The following NFKB1 variants were observed in gnomAD, a reference collection of about 807,000 sequenced individuals.
The protein encoded by NFKB1 is nuclear factor NF-kappa-B p105 subunit.
Under a neutral mutation model 105.1 loss-of-function variants are expected in NFKB1, and 9 were observed. That is an observed-to-expected ratio of 0.09 (90% CI 0.05 to 0.15). NFKB1 has a LOEUF of 0.15. Among genes scored for constraint, NFKB1 ranks in the 10% least tolerant of loss-of-function variants. The probability of loss-of-function intolerance (pLI) is 1.00; values close to 1 mark genes in which losing one functional copy is unlikely to be tolerated. For synonymous variants in NFKB1, 440 were observed against 442.2 expected (o/e 1.00, Z 0.06); for missense variants, 830 against 1,203.7 (o/e 0.69, Z 4.59).
chr4:102,595,582 G>A (rs1726543873), intron 13 of NFKB1, among the ~76,000 whole-genome samples: 1 of 152,202 alleles, frequency 6.6e-6, no homozygotes, highest in Admixed American at 6.5e-5. Flanking sequence ...AGGCATCAAA[G>A]TTCAGAAATG....
chr4:102,526,917 C>G (rs1740951893), intron 2 of NFKB1, among the ~76,000 whole-genome samples: 1 of 142,734 alleles, frequency 7.0e-6, no homozygotes, highest in Non-Finnish European at 1.6e-5. Context: ...TCTTTGCTCT[C>G]TTTTTCGTGT....
chr4:102,550,138 TA>T (rs1477303732), intron 5 of NFKB1, among the ~76,000 whole-genome samples: 11 of 152,168 alleles, frequency 7.2e-5, no homozygotes, highest in Admixed American at 2.6e-4. Context: ...CATTGTACTA[TA>T]AGCCATTCCT....
intron 5 of NFKB1, among the ~76,000 whole-genome samples, chr4:102,566,633 G>T (rs1723896040): frequency 1.3e-5 from 2 of 152,168 alleles, no homozygotes; most frequent in Non-Finnish European, 2.9e-5. Flanking sequence ...CAAGAATTTT[G>T]ATGAGGATGC....
chr4:102,528,049 C>T (rs1741039545), intron 2 of NFKB1, among the ~76,000 whole-genome samples: 2 of 152,036 alleles, frequency 1.3e-5, no homozygotes, highest in South Asian at 4.1e-4. Context: ...CTAAAGTTTG[C>T]ATGTCCTCAG....
chr4:102,565,136 C>T (rs1723751203), intron 5 of NFKB1, among the ~76,000 whole-genome samples: 1 of 91,380 alleles, frequency 1.1e-5, no homozygotes, highest in Non-Finnish European at 2.2e-5. Flanking sequence ...GCTTTATACC[C>T]AGAGTTTTTT....
chr4:102,549,900 G>A (rs1464360204), intron 5 of NFKB1, among the ~76,000 whole-genome samples: 1 of 152,040 alleles, frequency 6.6e-6, no homozygotes, highest in East Asian at 1.9e-4. Flanking sequence ...CTCCAATGCT[G>A]CCACCCTGGT....
intron 5 of NFKB1, among the ~76,000 whole-genome samples, chr4:102,565,124 TAGCTTTATACCC>T (rs1723750349): frequency 7.1e-6 from 1 of 141,334 alleles, no homozygotes; most frequent in Admixed American, 7.1e-5. Flanking sequence ...AGTTCATAAT[TAGCTTTATACCC>T]AGAGTTTTTT....
intron 11 of NFKB1, among the ~76,000 whole-genome samples, chr4:102,590,433 C>T (rs1726074934): frequency 6.6e-6 from 1 of 152,124 alleles, no homozygotes; most frequent in Non-Finnish European, 1.5e-5. Flanking sequence ...AGGTTTGTGG[C>T]AATAGTGTCA....
At chr4:102,581,379 C>T (rs1197488076) in intron 9 of NFKB1, among the ~76,000 whole-genome samples, 1 of 151,810 alleles carries the variant, frequency 6.6e-6, no homozygotes, top group Non-Finnish European at 1.5e-5. Flanking sequence ...TAAAATAAAT[C>T]AATAAAAGAC....
intron 6 of NFKB1, among the ~76,000 whole-genome samples, chr4:102,570,517 G>A (rs1724251315): frequency 6.6e-6 from 1 of 152,092 alleles, no homozygotes; most frequent in Non-Finnish European, 1.5e-5. Flanking sequence ...CTGCCGCAGT[G>A]AACATTAACA....
intron 6 of NFKB1, among the ~76,000 whole-genome samples, chr4:102,568,897 C>T (rs1724091102): frequency 6.6e-6 from 1 of 152,062 alleles, no homozygotes. Flanking sequence ...CATCTCAGCT[C>T]CTGAATTTGA....
chr4:102,576,008 T>C (rs969863059), intron 6 of NFKB1, among the ~76,000 whole-genome samples: 2 of 152,226 alleles, frequency 1.3e-5, no homozygotes, highest in African/African-American at 4.8e-5. Context: ...GCCTGTTATA[T>C]TTATTGAATA....
intron 1 of NFKB1, among the ~76,000 whole-genome samples, chr4:102,510,108 T>G (rs542465330): frequency 6.6e-6 from 1 of 152,328 alleles, no homozygotes; most frequent in South Asian, 2.1e-4. Flanking sequence ...CTAGCCATCC[T>G]GCTAACTTCT....
chr4:102,531,029 G>T (rs1217046578), intron 3 of NFKB1, among the ~76,000 whole-genome samples: 1 of 152,000 alleles, frequency 6.6e-6, no homozygotes, highest in Non-Finnish European at 1.5e-5. Context: ...GTGTTTCTTG[G>T]GAACTTTTTA....
At chr4:102,538,041 C>A (rs144844580) in intron 5 of NFKB1, 85 bp downstream of exon 5, 11 of 844,742 alleles carry the variant, frequency 1.3e-5, no homozygotes, top group Non-Finnish European at 2.2e-5. Context: ...TAAATGAGTA[C>A]GGGTTGCCTT....
rs566072096 is a variant in NFKB1 at position 102,606,564 on chromosome 4, C to T, written c.1821C>T (p.Ala607=). The change falls in exon 17 of 24, where the codon GCC becomes GCT. Residue 607 remains alanine, a synonymous_variant. Transcript: ENST00000226574. ...DVVEDLLRAG[A]DLSLLDRLGN... ...TGGAGGATTTGCTGAGGGCTGGGGC[C>T]GACCTGAGCCTTCTGGACCGCTTGG... is the stretch of plus-strand genomic sequence containing the variant. 23 of 1,614,116 alleles carry T rather than the reference C, an allele frequency of 1.4e-5. No individual in the cohort carries two copies. The highest frequency in any genetic ancestry group is 8.9e-5 in the East Asian group (4 of 44,876).
chr4:102,504,038 T>C (rs1739263243), intron 1 of NFKB1, among the ~76,000 whole-genome samples: 1 of 152,214 alleles, frequency 6.6e-6, no homozygotes, highest in Admixed American at 6.5e-5. Flanking sequence ...TGAGAGGTAT[T>C]TCTCTGTTCA....
At chr4:102,579,140 A>C (rs776835511) in intron 8 of NFKB1, 101 bp downstream of exon 8, 2 of 1,192,058 alleles carry the variant, frequency 1.7e-6, no homozygotes, top group South Asian at 1.6e-5. Flanking sequence ...TAACTTAATC[A>C]CTTTAAGCCT....
In NFKB1 at chr4:102,597,639, G is replaced by C. The variant is rs1183147873; in HGVS notation, c.1615G>C (p.Val539Leu). The C allele has an allele frequency of 2.2e-5, 35 of 1,613,078 alleles. No homozygotes were observed. The highest frequency in any genetic ancestry group is 3.0e-5 in the Non-Finnish European group (35 of 1,179,572). ...LLAVQRHLTA[V>L]QDENGDSVLH... ...GGCCGTCCAGCGCCATCTCACTGCT[G>C]TGCAGGATGAGAATGGGGACAGGTA... The change falls in exon 15 of 24, where the codon GTG becomes CTG. Residue 539 changes from valine (V) to leucine (L), a missense_variant. Physicochemically the swap from Val to Leu is conservative, Grantham distance 32 (BLOSUM62 1). Transcript: ENST00000226574.
Sources: gnomAD v4.1 joint callset for allele counts (sites outside exome capture counted in the v4.1 genomes callset) on GRCh38, gnomAD v4.1.1 for gene constraint, MANE v1.5 for transcripts, NCBI Gene and HGNC (gene_info 2026-07-23, HGNC 2026-07-21) for gene names.